RYR3: variants seen among roughly 807,000 people sequenced by gnomAD.
RYR3 encodes the protein brain ryanodine receptor-calcium release channel.
A neutral mutation model predicts 584.3 loss-of-function variants in RYR3; 207 were observed. The observed-to-expected ratio is 0.35, with a 90% CI of 0.32 to 0.40. The LOEUF (loss-of-function observed/expected upper bound fraction) is 0.40, where lower values mean the gene tolerates loss of function less well. Ranked by LOEUF, RYR3 falls within the 10% of genes least tolerant of loss-of-function variation. The pLI, the probability that RYR3 is intolerant of heterozygous loss-of-function variation, is 1.00. For missense variants in RYR3, 5,616 were observed against 6,089.2 expected, an observed-to-expected ratio of 0.92 and a Z score of 2.59; for synonymous variants, 2,416 against 2,248.5, an observed-to-expected ratio of 1.07 and a Z score of -2.11.
chr15:33,760,801 T>G (rs2072357620), intron 60 of RYR3, among the ~76,000 whole-genome samples: 1 of 152,216 alleles, frequency 6.6e-6, no homozygotes, highest in Non-Finnish European at 1.5e-5. Flanking sequence ...ATATACATTC[T>G]TCTCAGCACC....
intron 10 of RYR3, among the ~76,000 whole-genome samples, chr15:33,561,840 A>G (rs2057419381): frequency 6.6e-6 from 1 of 151,888 alleles, no homozygotes; most frequent in African/African-American, 2.4e-5. Flanking sequence ...CAGAGGTTGC[A>G]GTGAGCCAAG....
In RYR3 at chr15:33,810,554, G is replaced by T; in HGVS notation, c.10102G>T (p.Val3368Leu). Residue 3368 changes from valine to leucine, a missense_variant, in exon 71 of 104, where the codon GTG (valine) becomes TTG (leucine). Val to Leu is a conservative substitution (Grantham distance 32). Coordinates refer to ENST00000634891, the MANE Select transcript of RYR3 (RefSeq NM_001036.6). ...GTATTCCATCCAGACCTCCCTCATC[G>T]TGGCTGCACTCAAGAAAATGCTGCC... Reference protein sequence around the residue: ...DLYSIQTSLIVAALKKMLPIG... With the variant: ...DLYSIQTSLILAALKKMLPIG... The T allele has an allele frequency of 6.2e-7, 1 of 1,614,020 alleles. No individual in the cohort carries two copies. The highest frequency in any genetic ancestry group is 8.5e-7 in the Non-Finnish European group (1 of 1,179,890).
At chr15:33,370,933 G>T (rs756092544) in intron 1 of RYR3, among the ~76,000 whole-genome samples, 1 of 152,130 alleles carries the variant, frequency 6.6e-6, no homozygotes, top group East Asian at 1.9e-4. Flanking sequence ...TGGAAATACC[G>T]CAAAGTAGGG....
chr15:33,499,335 C>T (rs2051744782), intron 2 of RYR3, among the ~76,000 whole-genome samples: 1 of 151,840 alleles, frequency 6.6e-6, no homozygotes, highest in African/African-American at 2.4e-5. Flanking sequence ...CTTTCTTCCC[C>T]TCTGTCTCCT....
chr15:33,800,833 C>T lies in RYR3; in HGVS notation c.9894C>T (p.Val3298=). The change falls in exon 68 of 104, where the codon GTC becomes GTT. Residue 3298 remains valine, a synonymous_variant. Coordinates refer to ENST00000634891, the MANE Select transcript of RYR3 (RefSeq NM_001036.6). ...AGCTCTTCCGCATGGTGGCAGAAGTCTTCATTCTGTGGTGTAAATCTCATG... is the reference window on the plus strand; with the variant it reads ...AGCTCTTCCGCATGGTGGCAGAAGTTTTCATTCTGTGGTGTAAATCTCATG... ...SDQLFRMVAE[V]FILWCKSHNF... The T allele has an allele frequency of 1.2e-6, 2 of 1,613,328 alleles. No homozygotes were observed. The highest frequency in any genetic ancestry group is 1.1e-5 in the South Asian group (1 of 91,064).
Position 33,581,567 on chromosome 15 carries a change from A to G in RYR3, c.1497A>G (p.Ala499=). Residue 499 remains alanine (A), a synonymous_variant, in exon 14 of 104, where the codon GCA becomes GCG. Coordinates refer to ENST00000634891, the MANE Select transcript of RYR3 (RefSeq NM_001036.6). ...IDRLNVYNSV[A]HFAGIAREES... ...GCTTAAATGTCTACAATAGCGTAGC[A>G]CACTTTGCAGGGATTGCAAGGGAAG... 6.2e-7 allele frequency: 1 copy of G among 1,613,300 alleles called. No individual in the cohort carries two copies. Among genetic ancestry groups the G allele is most frequent in the African/African-American group, 1.3e-5 (1 of 75,022 alleles).
Position 33,663,808 on chromosome 15 carries a change from A to C in RYR3, c.5619+71A>C, listed in dbSNP as rs914394251. Reference sequence around the variant, plus strand: ...TGAGACCTATGGAACAGGGCACATGAAACCTCTATGGTCTCTGGGGCAGCC... The same window carrying C: ...TGAGACCTATGGAACAGGGCACATGCAACCTCTATGGTCTCTGGGGCAGCC... On this transcript the variant is annotated intron_variant, in intron 36 of 103. Transcript: ENST00000634891. 5.2e-6 allele frequency: 7 copies of C among 1,345,976 alleles called. No homozygotes were observed. In the African/African-American group the frequency reaches 1.0e-4, roughly 20 times the overall value. The allele number at this position is 1,345,976 out of a possible 1,614,324, so 83.4% of individuals were successfully genotyped here.
intron 62 of RYR3, 27 bp downstream of exon 62, chr15:33,769,199 G>T (rs763345255): frequency 5.8e-6 from 9 of 1,544,882 alleles, no homozygotes; most frequent in Non-Finnish European, 8.1e-6. Flanking sequence ...TTTCCCAATA[G>T]TTTCTCATGA....
At chr15:33,614,992 T>C (rs541508326) in intron 19 of RYR3, among the ~76,000 whole-genome samples, 25 of 152,202 alleles carry the variant, frequency 1.6e-4, no homozygotes, top group South Asian at 1.0e-3. Context: ...TCTTTCCTCG[T>C]ACCTACCAGT....
At chr15:33,327,766 C>T (rs1259837760) in intron 1 of RYR3, among the ~76,000 whole-genome samples, 1 of 151,928 alleles carries the variant, frequency 6.6e-6, no homozygotes. Context: ...CTTTCTTTTC[C>T]TTTATCAGTG....
In RYR3 at chr15:33,584,246, A is replaced by C; in HGVS notation, c.1574-149A>C. ...TCACTTAAAAAAAGAAAAAAAAAGA[A>C]AGAATTGTGTCAAAGGGCTAGATAG... is the stretch of plus-strand genomic sequence containing the variant. On this transcript the variant is annotated intron_variant, in intron 14 of 103. Coordinates refer to ENST00000634891, the MANE Select transcript of RYR3 (RefSeq NM_001036.6). The C allele has an allele frequency of 1.5e-5, 8 of 544,188 alleles. No homozygotes were observed. In the South Asian group the frequency reaches 2.0e-4, roughly 14 times the overall value. 33.7% of individuals were successfully genotyped at this position (544,188 alleles called of 1,614,324 possible).
chr15:33,471,656 T>C (rs908786850), intron 1 of RYR3, among the ~76,000 whole-genome samples: 2 of 151,908 alleles, frequency 1.3e-5, no homozygotes, highest in Non-Finnish European at 2.9e-5. Flanking sequence ...TGAGTTTTGT[T>C]GTTGTTGCTT....
intron 40 of RYR3, 58 bp from the exon 41 acceptor site, chr15:33,699,646 T>C: frequency 1.3e-6 from 2 of 1,554,440 alleles, no homozygotes; most frequent in Non-Finnish European, 1.8e-6. Flanking sequence ...AGGTCAGAGT[T>C]TTCAGAAAGG....
At chr15:33,574,252 T>C (rs2058181720) in intron 12 of RYR3, among the ~76,000 whole-genome samples, 1 of 152,198 alleles carries the variant, frequency 6.6e-6, no homozygotes, top group Admixed American at 6.5e-5. Context: ...AGAATTATTC[T>C]TGACCACCCT....
chr15:33,340,938 G>A (rs1223204029), intron 1 of RYR3, among the ~76,000 whole-genome samples: 1 of 152,130 alleles, frequency 6.6e-6, no homozygotes, highest in African/African-American at 2.4e-5. Context: ...CTAGAATGGT[G>A]GTTCTCAAAT....
intron 1 of RYR3, among the ~76,000 whole-genome samples, chr15:33,418,334 T>G (rs530652574): frequency 1.3e-5 from 2 of 151,894 alleles, no homozygotes; most frequent in Non-Finnish European, 2.9e-5. Context: ...GGCAGGTTTT[T>G]TTTTTTTATT....
chr15:33,579,924 A>C (rs953371371), intron 12 of RYR3, 52 bp from the exon 13 acceptor site: 12 of 1,469,432 alleles, frequency 8.2e-6, no homozygotes, highest in African/African-American at 1.4e-5. Flanking sequence ...GGTGTTCATC[A>C]GGGCCCTGCT....
At chr15:33,527,477 G>A (rs1238114813) in intron 3 of RYR3, among the ~76,000 whole-genome samples, 1 of 151,900 alleles carries the variant, frequency 6.6e-6, no homozygotes, top group Non-Finnish European at 1.5e-5. Flanking sequence ...CTACTCAGGA[G>A]GGAGGCTGAG....
intron 47 of RYR3, 148 bp from the exon 48 acceptor site, chr15:33,731,326 C>T: frequency 1.8e-6 from 1 of 542,628 alleles, no homozygotes; most frequent in Non-Finnish European, 3.3e-6. Context: ...AATAGAACTG[C>T]CGATAAGGTA....
Sources: gnomAD v4.1 joint callset for allele counts (sites outside exome capture counted in the v4.1 genomes callset) on GRCh38, gnomAD v4.1.1 for gene constraint, MANE v1.5 for transcripts, NCBI Gene and HGNC (gene_info 2026-07-23, HGNC 2026-07-21) for gene names.